MMP16: variants seen among roughly 807,000 people sequenced by gnomAD.
MMP16 encodes the protein matrix metallopeptidase 16, also known as matrix metalloproteinase-16.
A neutral mutation model predicts 67.8 loss-of-function variants in MMP16; 12 were observed. The ratio of observed to expected loss-of-function variants is 0.18; its 90% CI spans 0.11 to 0.29. The LOEUF (loss-of-function observed/expected upper bound fraction) is 0.29, where lower values mean the gene tolerates loss of function less well. MMP16 is among the 10% of genes least tolerant of loss of function. The pLI is 1.00. For synonymous variants in MMP16, 249 were observed against 255.9 expected, an observed-to-expected ratio of 0.97 and a Z score of 0.26; for missense variants, 475 against 765.7, an observed-to-expected ratio of 0.62 and a Z score of 4.48.
At chr8:88,113,939 T>G (rs563868470) in intron 6 of MMP16, among the ~76,000 whole-genome samples, 1 of 152,106 alleles carries the variant, frequency 6.6e-6, no homozygotes, top group South Asian at 2.1e-4. Context: ...CTACTTTTCT[T>G]TTGAAACTTT....
chr8:88,222,607 A>C (rs1227001193), intron 1 of MMP16, among the ~76,000 whole-genome samples: 1 of 152,206 alleles, frequency 6.6e-6, no homozygotes, highest in Non-Finnish European at 1.5e-5. Flanking sequence ...AGGATTCCCT[A>C]TTTAATAAAT....
chr8:88,309,243 C>A (rs979170630), intron 1 of MMP16, among the ~76,000 whole-genome samples: 2 of 151,816 alleles, frequency 1.3e-5, no homozygotes, highest in Non-Finnish European at 2.9e-5. Context: ...CTTTGTCCAG[C>A]AATTGGCAAT....
At chr8:88,047,070 A>T (rs908315657) in intron 8 of MMP16, among the ~76,000 whole-genome samples, 1 of 148,914 alleles carries the variant, frequency 6.7e-6, no homozygotes, top group African/African-American at 2.5e-5. Flanking sequence ...GTTCTTATTC[A>T]GTATGCTAAA....
rs2118167854 is a variant in MMP16 at position 88,035,892 on chromosome 8, A to T, written c.*5569T>A. ...TATTGAAACATATATTTGTAATTGG[A>T]TGTTATTAATCTTACCTGAAATATT... On this transcript the variant is annotated 3_prime_UTR_variant, in exon 10 of 10. Transcript: ENST00000286614. This position sits in a 1 kb window ranked among gnomAD's most constrained non-coding sequence, Gnocchi z 4.7. The T allele has an allele frequency of 6.6e-6, 1 of 152,090 alleles. No individual in the cohort carries two copies. The highest frequency in any genetic ancestry group is 1.9e-4 in the East Asian group (1 of 5,188). 9.4% of individuals were successfully genotyped at this position (152,090 alleles called of 1,614,324 possible).
intron 4 of MMP16, among the ~76,000 whole-genome samples, chr8:88,119,949 C>T (rs1807790944): frequency 6.6e-6 from 1 of 151,910 alleles, no homozygotes; most frequent in Non-Finnish European, 1.5e-5. Context: ...TAAGAATTGC[C>T]TTCAGAAGAC....
intron 2 of MMP16, among the ~76,000 whole-genome samples, chr8:88,187,951 G>C (rs1191198575): frequency 1.3e-5 from 2 of 152,130 alleles, no homozygotes; most frequent in East Asian, 3.9e-4. Flanking sequence ...TAAATTCTAA[G>C]AGGGTATCCA....
chr8:88,149,163 A>G (rs1228603297), intron 4 of MMP16, among the ~76,000 whole-genome samples: 2 of 152,164 alleles, frequency 1.3e-5, no homozygotes, highest in Non-Finnish European at 2.9e-5. Flanking sequence ...GGGCTTAAAA[A>G]ACGGCGCACC....
intron 6 of MMP16, among the ~76,000 whole-genome samples, chr8:88,090,870 T>C (rs1455220982): frequency 2.0e-5 from 3 of 151,834 alleles, no homozygotes. Context: ...ACTGTTACTA[T>C]TATCCTCATG....
At chr8:88,214,524 T>C (rs967442590) in intron 1 of MMP16, among the ~76,000 whole-genome samples, 1 of 152,168 alleles carries the variant, frequency 6.6e-6, no homozygotes, top group Admixed American at 6.6e-5. Context: ...TGAACAAAAC[T>C]TAGGTCTATT....
chr8:88,169,311 T>C (rs1437543724), intron 3 of MMP16, among the ~76,000 whole-genome samples: 1 of 152,208 alleles, frequency 6.6e-6, no homozygotes, highest in African/African-American at 2.4e-5. Flanking sequence ...GCAGGAATTA[T>C]ATAAACTAAT....
Position 88,042,058 on chromosome 8 carries a change from T to C in MMP16, c.1490-263A>G, listed in dbSNP as rs530131690. Among the ~76,000 whole-genome samples the C allele has an allele frequency of 3.9e-5, 6 of 152,300 alleles. No individual in the cohort carries two copies. In the East Asian group the frequency reaches 5.8e-4, roughly 15 times the overall value. ...TTTACAGAGGACTGTTCAAAGACCA[T>C]GCTATGCAGTCTACTCCTAGTCCAA... On this transcript the variant is annotated intron_variant, in intron 9 of 9. Transcript: ENST00000286614.
intron 3 of MMP16, among the ~76,000 whole-genome samples, chr8:88,168,688 T>A (rs1808754098): frequency 6.6e-6 from 1 of 152,150 alleles, no homozygotes; most frequent in East Asian, 1.9e-4. Flanking sequence ...TGTTTATTTT[T>A]TTCTCAGCTT....
intron 1 of MMP16, among the ~76,000 whole-genome samples, chr8:88,272,392 A>G (rs967258426): frequency 6.6e-6 from 1 of 152,230 alleles, no homozygotes; most frequent in African/African-American, 2.4e-5. Context: ...CATATGTGCT[A>G]TAACAGAATC....
At chr8:88,143,515 A>G (rs1808245411) in intron 4 of MMP16, among the ~76,000 whole-genome samples, 1 of 152,034 alleles carries the variant, frequency 6.6e-6, no homozygotes, top group African/African-American at 2.4e-5. Flanking sequence ...AAAGTACATC[A>G]CCTCTAGTTT....
intron 1 of MMP16, among the ~76,000 whole-genome samples, chr8:88,313,331 A>G (rs186122991): frequency 6.6e-6 from 1 of 152,286 alleles, no homozygotes; most frequent in East Asian, 1.9e-4. Flanking sequence ...TATTTTCAAT[A>G]TGTACAGAAT....
chr8:88,168,213 A>T (rs904939235), intron 3 of MMP16, among the ~76,000 whole-genome samples: 5 of 152,224 alleles, frequency 3.3e-5, no homozygotes, highest in Non-Finnish European at 1.5e-5. Context: ...AATGGTTAAC[A>T]GTAGGGCAAT....
intron 1 of MMP16, among the ~76,000 whole-genome samples, chr8:88,204,685 T>C (rs867477600): frequency 4.6e-5 from 7 of 152,134 alleles, no homozygotes; most frequent in Admixed American, 1.3e-4. Context: ...GGGTACATTT[T>C]AAAAATTAAG....
intron 6 of MMP16, among the ~76,000 whole-genome samples, chr8:88,105,874 G>A (rs1394654469): frequency 6.6e-6 from 1 of 150,534 alleles, no homozygotes; most frequent in Non-Finnish European, 1.5e-5. Context: ...AAAACTGCAT[G>A]ACAAAAAAGA....
chr8:88,288,058 C>T (rs1459463117), intron 1 of MMP16, among the ~76,000 whole-genome samples: 2 of 152,182 alleles, frequency 1.3e-5, no homozygotes, highest in South Asian at 2.1e-4. Context: ...TATCATAGCC[C>T]TAAAGTTAGG....
Sources: gnomAD v4.1 joint callset for allele counts (sites outside exome capture counted in the v4.1 genomes callset) on GRCh38, gnomAD v4.1.1 for gene constraint, Gnocchi (gnomAD v3.1) non-coding constraint, MANE v1.5 for transcripts, NCBI Gene and HGNC (gene_info 2026-07-23, HGNC 2026-07-21) for gene names.